OR9Q1: variants seen among roughly 807,000 people sequenced by gnomAD.
OR9Q1 encodes the protein olfactory receptor family 9 subfamily Q member 1.
For synonymous variants in OR9Q1, 153 were observed against 148.6 expected (o/e 1.03, Z -0.22); for missense variants, 374 against 378.8 (o/e 0.99, Z 0.11).
At chr11:58,076,593 A>G (rs1046100640) in intron 2 of OR9Q1, among the ~76,000 whole-genome samples, 1 of 152,222 alleles carries the variant, frequency 6.6e-6, no homozygotes, top group African/African-American at 2.4e-5. Context: ...TAAAGGTGAG[A>G]TAATGACAGA....
intron 2 of OR9Q1, among the ~76,000 whole-genome samples, chr11:58,057,369 C>T (rs1320937816): frequency 6.6e-6 from 1 of 152,146 alleles, no homozygotes; most frequent in Non-Finnish European, 1.5e-5. Context: ...CTAGGCCAAG[C>T]ACTCAGACTC....
At chr11:58,078,799 C>T (rs528394297) in intron 2 of OR9Q1, among the ~76,000 whole-genome samples, 1 of 152,252 alleles carries the variant, frequency 6.6e-6, no homozygotes, top group East Asian at 1.9e-4. Flanking sequence ...TTGAAAACAT[C>T]GAATGGAGCT....
rs1853295263 is a variant in OR9Q1, at chr11:58,053,632, A to ATATATATATAT, written c.-92-2237_-92-2227dup. 6.7e-4 allele frequency among the ~76,000 whole-genome samples: 79 copies of ATATATATATAT among 118,682 alleles called. 3 individuals are homozygous for ATATATATATAT. The Middle Eastern group carries it at 0.013, about 20-fold the overall frequency. 77.9% of individuals were successfully genotyped at this position (118,682 alleles called of 152,430 possible). A position where few individuals can be genotyped will look rare whatever the true frequency, so the allele number is the denominator to read the frequency against. Reference sequence around the variant, plus strand: ...TAAAAAATATATATATATATAAAATATATATATATATAAATTATATATATA... The same window carrying ATATATATATAT: ...TAAAAAATATATATATATATAAAATATATATATATATTATATATATATAAATTATATATATA... On this transcript the variant is annotated intron_variant, in intron 1 of 2. Coordinates refer to ENST00000335397, the MANE Select transcript of OR9Q1 (RefSeq NM_001005212.4).
chr11:58,180,420 A>G lies in OR9Q1; in HGVS notation c.*43A>G. 7.9e-7 allele frequency: 1 copy of G among 1,264,594 alleles called. No homozygotes were observed. Among genetic ancestry groups the G allele is most frequent in the Non-Finnish European group, 1.1e-6 (1 of 903,432 alleles). 78.3% of individuals were successfully genotyped at this position (1,264,594 alleles called of 1,614,324 possible). A position where few individuals can be genotyped will look rare whatever the true frequency, so the allele number is the denominator to read the frequency against. ...AAATCCCGAGAACCACCTACTCTGTAGTGTCAGAATTCTGGACGCTCATTA... is the reference window on the plus strand; with the variant it reads ...AAATCCCGAGAACCACCTACTCTGTGGTGTCAGAATTCTGGACGCTCATTA... On this transcript the variant is annotated 3_prime_UTR_variant, in exon 3 of 3. Transcript: ENST00000335397.
intron 2 of OR9Q1, among the ~76,000 whole-genome samples, chr11:58,090,198 T>A (rs559646120): frequency 6.6e-6 from 1 of 152,320 alleles, no homozygotes; most frequent in African/African-American, 2.4e-5. Flanking sequence ...ATAGGAGTGG[T>A]GAGAGAGGGC....
intron 2 of OR9Q1, among the ~76,000 whole-genome samples, chr11:58,087,533 C>T (rs543992698): frequency 2.2e-4 from 33 of 151,920 alleles, no homozygotes; most frequent in African/African-American, 5.8e-4. Context: ...TTAAATGAAA[C>T]GAAGGATATT....
At position 58,157,201 on chromosome 11, in the gene OR9Q1, C is replaced by T. The variant is rs181929241; in HGVS notation, c.-14-22230C>T. On this transcript the variant is annotated intron_variant, in intron 2 of 2. Coordinates refer to ENST00000335397, the MANE Select transcript of OR9Q1 (RefSeq NM_001005212.4). ...TGGCTAATTCCATCCTGTCCAGGGT[C>T]TGCTCAGGCCTCTTTGCACCGTCTA... Among the ~76,000 whole-genome samples the T allele has an allele frequency of 3.9e-4, 59 of 152,254 alleles. No individual in the cohort carries two copies. In the East Asian group the frequency reaches 9.3e-3, roughly 24 times the overall value.
Position 58,109,126 on chromosome 11 carries a change from CAGA to C in OR9Q1, c.-15+53188_-15+53190del, listed in dbSNP as rs760184000. 5.4e-5 allele frequency: 27 copies of C among 504,662 alleles called. 1 individual carries two copies. Among genetic ancestry groups the C allele is most frequent in the Middle Eastern group, 6.4e-4 (2 of 3,120 alleles). 31.3% of individuals were successfully genotyped at this position (504,662 alleles called of 1,614,324 possible). A position where few individuals can be genotyped will look rare whatever the true frequency, so the allele number is the denominator to read the frequency against. On this transcript the variant is annotated intron_variant, in intron 2 of 2. Transcript: ENST00000335397. ...GAGCTTCAGCAGGGGTGGGAGGTCA[CAGA>C]AGAAGAAGTTGATCTGATTGTCACA...
At chr11:58,168,877 T>A (rs936642180) in intron 2 of OR9Q1, among the ~76,000 whole-genome samples, 2 of 152,176 alleles carry the variant, frequency 1.3e-5, no homozygotes, top group East Asian at 3.8e-4. Flanking sequence ...TAAGTACATA[T>A]CAATGTCAAT....
intron 2 of OR9Q1, among the ~76,000 whole-genome samples, chr11:58,130,076 C>T (rs1854126480): frequency 6.6e-6 from 1 of 152,136 alleles, no homozygotes; most frequent in Non-Finnish European, 1.5e-5. Flanking sequence ...TAATGCTCTT[C>T]CTCGAGTCTG....
intron 2 of OR9Q1, among the ~76,000 whole-genome samples, chr11:58,128,730 G>T (rs527350386): frequency 6.6e-6 from 1 of 152,116 alleles, no homozygotes; most frequent in South Asian, 2.1e-4. Flanking sequence ...AATACAGAAA[G>T]TTAGCATAAA....
intron 2 of OR9Q1, chr11:58,073,411 T>C (rs1437982634): frequency 6.5e-6 from 1 of 153,150 alleles, no homozygotes; most frequent in African/African-American, 2.4e-5. Flanking sequence ...GCTTTATTCA[T>C]TTGACTTTTT....
chr11:58,031,358 T>A, intron 1 of OR9Q1: 1 of 1,614,204 alleles, frequency 6.2e-7, no homozygotes. Flanking sequence ...GCCTCTCCAC[T>A]ATGGGGCTTT....
intron 2 of OR9Q1, among the ~76,000 whole-genome samples, chr11:58,141,704 AC>A (rs1854251529): frequency 6.6e-6 from 1 of 152,148 alleles, no homozygotes; most frequent in African/African-American, 2.4e-5. Flanking sequence ...TGACGCTGAG[AC>A]TTGAGGTCAA....
intron 2 of OR9Q1, among the ~76,000 whole-genome samples, chr11:58,174,276 A>G (rs1034807935): frequency 5.3e-5 from 8 of 152,154 alleles, no homozygotes; most frequent in African/African-American, 1.4e-4. Context: ...TATGCCCTGC[A>G]TAGCTTGCTG....
intron 2 of OR9Q1, among the ~76,000 whole-genome samples, chr11:58,094,163 C>T (rs1853709758): frequency 6.6e-6 from 1 of 152,120 alleles, no homozygotes; most frequent in Non-Finnish European, 1.5e-5. Flanking sequence ...AACTGGAGGC[C>T]ATTATCTTAA....
At chr11:58,151,417 TGTTGCATCATTTGCTTTCATA>T (rs1188905707) in intron 2 of OR9Q1, among the ~76,000 whole-genome samples, 1 of 152,210 alleles carries the variant, frequency 6.6e-6, no homozygotes, top group Non-Finnish European at 1.5e-5. Context: ...GAGAAGGTGG[TGTTGCATCATTTGCTTTCATA>T]GTTTACTTGG....
At chr11:58,095,665 T>C (rs1337293684) in intron 2 of OR9Q1, among the ~76,000 whole-genome samples, 1 of 152,164 alleles carries the variant, frequency 6.6e-6, no homozygotes. Context: ...CTCACTATCA[T>C]GAGAACAGGA....
At chr11:58,077,895 G>A (rs1476172081) in intron 2 of OR9Q1, 1 of 152,226 alleles carries the variant, frequency 6.6e-6, no homozygotes, top group East Asian at 1.9e-4. Context: ...GGTGGCTCAT[G>A]CCTGTAATCC....
Sources: allele counts gnomAD v4.1 joint callset (sites outside exome capture counted in the v4.1 genomes callset), GRCh38; gene constraint gnomAD v4.1.1; transcripts MANE v1.5; gene names NCBI Gene and HGNC (gene_info 2026-07-23, HGNC 2026-07-21).